CREB5: variants seen among roughly 807,000 people sequenced by gnomAD.
The protein encoded by CREB5 is cyclic AMP-responsive element-binding protein 5.
Under a neutral mutation model 57.1 loss-of-function variants are expected in CREB5, and 19 were observed. That is an observed-to-expected ratio of 0.33 (90% CI 0.23 to 0.49). The LOEUF (loss-of-function observed/expected upper bound fraction) is 0.49. Among genes scored for constraint, CREB5 ranks in the 20% least tolerant of loss-of-function variants. CREB5 has a pLI of 0.99. For synonymous variants in CREB5, 238 were observed against 238.3 expected (o/e 1.00, Z 0.01); for missense variants, 579 against 671.6 (o/e 0.86, Z 1.52).
chr7:28,611,893 T>TTG (rs1797403023), intron 5 of CREB5, among the ~76,000 whole-genome samples: 1 of 151,966 alleles, frequency 6.6e-6, no homozygotes, highest in Non-Finnish European at 1.5e-5. Context: ...TATATGTAAA[T>TTG]TATAACTTGA....
At position 28,382,323 on chromosome 7, in the gene CREB5, G is replaced by A. The variant is rs567991969; in HGVS notation, c.-25+82882G>A. 3.9e-5 allele frequency among the ~76,000 whole-genome samples: 6 copies of A among 152,196 alleles called. No homozygotes were observed. The South Asian group carries it at 8.3e-4, about 21-fold the overall frequency. On this transcript the variant is annotated intron_variant, in intron 1 of 9. Transcript: ENST00000396299. The stretch of plus-strand genomic sequence containing the variant: ...CAGAAACACCCTCACAGACACACCC[G>A]GGGCAGTCCAGTCATTCTAATTTAG...
intron 5 of CREB5, among the ~76,000 whole-genome samples, chr7:28,607,726 C>T (rs566650120): frequency 1.4e-5 from 2 of 147,752 alleles, no homozygotes; most frequent in Admixed American, 1.4e-4. Flanking sequence ...AAGACCAGTG[C>T]CCACAGGGCT....
intron 5 of CREB5, among the ~76,000 whole-genome samples, chr7:28,708,090 A>T (rs1288692964): frequency 6.6e-6 from 1 of 152,172 alleles, no homozygotes; most frequent in Non-Finnish European, 1.5e-5. Flanking sequence ...ATTTGATCAC[A>T]GCGGTGATTG....
chr7:28,678,032 C>A (rs1358333582), intron 5 of CREB5, among the ~76,000 whole-genome samples: 2 of 152,148 alleles, frequency 1.3e-5, no homozygotes, highest in Non-Finnish European at 2.9e-5. Flanking sequence ...AATTTAGAAT[C>A]TTTTTACTCC....
chr7:28,610,923 G>A (rs116046563), intron 5 of CREB5, among the ~76,000 whole-genome samples: 278 of 152,026 alleles, frequency 1.8e-3, no homozygotes, highest in African/African-American at 6.2e-3. Flanking sequence ...GAGAGAGGGA[G>A]TCGTTTATGT....
At chr7:28,670,843 A>G (rs1800007750) in intron 5 of CREB5, among the ~76,000 whole-genome samples, 1 of 152,150 alleles carries the variant, frequency 6.6e-6, no homozygotes, top group Admixed American at 6.5e-5. Flanking sequence ...CTTTAAAACA[A>G]TTTGTAAAGA....
chr7:28,816,055 G>GCACACACACA (rs34917973), intron 9 of CREB5, among the ~76,000 whole-genome samples: 4,411 of 145,284 alleles, frequency 0.03, 78 homozygotes, highest in African/African-American at 0.052. Context: ...AAATATATAC[G>GCACACACACA]CACACACACA....
chr7:28,473,424 T>C (rs1440058235), intron 1 of CREB5, among the ~76,000 whole-genome samples: 1 of 152,242 alleles, frequency 6.6e-6, no homozygotes, highest in East Asian at 1.9e-4. Context: ...GTTAGTTTCC[T>C]TGGTCACTTT....
At chr7:28,642,987 T>TACACACATACACACACAC (rs1562544746) in intron 5 of CREB5, among the ~76,000 whole-genome samples, 218 of 98,372 alleles carry the variant, frequency 2.2e-3, no homozygotes, top group Middle Eastern at 5.3e-3. Context: ...CACACACACA[T>TACACACATACACACACAC]ACACACACAC....
intron 5 of CREB5, among the ~76,000 whole-genome samples, chr7:28,643,759 G>T (rs989840091): frequency 5.2e-5 from 4 of 77,648 alleles, no homozygotes; most frequent in South Asian, 4.8e-4. Flanking sequence ...GGTGGGGGGG[G>T]GCGGAAGAAA....
intron 1 of CREB5, among the ~76,000 whole-genome samples, chr7:28,372,230 A>G (rs1786722186): frequency 6.6e-6 from 1 of 152,212 alleles, no homozygotes; most frequent in Non-Finnish European, 1.5e-5. Flanking sequence ...TAAATGGCAA[A>G]TAAATTATAG....
intron 1 of CREB5, among the ~76,000 whole-genome samples, chr7:28,374,949 G>A (rs1216344285): frequency 6.6e-6 from 1 of 152,158 alleles, no homozygotes; most frequent in African/African-American, 2.4e-5. Flanking sequence ...CTGTTAGAAA[G>A]TTCTTCCCTC....
intron 7 of CREB5, among the ~76,000 whole-genome samples, chr7:28,751,542 C>T (rs1804974292): frequency 6.6e-6 from 1 of 152,170 alleles, no homozygotes; most frequent in Non-Finnish European, 1.5e-5. Flanking sequence ...GCTTGCCTCC[C>T]TAGTTATGTG....
At chr7:28,644,606 T>A (rs1583470653) in intron 5 of CREB5, among the ~76,000 whole-genome samples, 1 of 152,100 alleles carries the variant, frequency 6.6e-6, no homozygotes, top group Admixed American at 6.5e-5. Flanking sequence ...TATGTTTCAA[T>A]TTGAAATTTT....
chr7:28,397,164 GA>G (rs963630014), intron 1 of CREB5, among the ~76,000 whole-genome samples: 11 of 151,946 alleles, frequency 7.2e-5, no homozygotes, highest in Admixed American at 4.6e-4. Context: ...CACATGGATT[GA>G]AAAAAAAGAA....
At chr7:28,683,402 G>A (rs1800699325) in intron 5 of CREB5, among the ~76,000 whole-genome samples, 1 of 152,186 alleles carries the variant, frequency 6.6e-6, no homozygotes, top group Non-Finnish European at 1.5e-5. Flanking sequence ...AAGTGCAAAT[G>A]TAAATATGCA....
chr7:28,669,095 G>C (rs545660968), intron 5 of CREB5, among the ~76,000 whole-genome samples: 3 of 152,284 alleles, frequency 2.0e-5, no homozygotes, highest in South Asian at 2.1e-4. Flanking sequence ...CATTTGATAT[G>C]GGTCTCATAG....
chr7:28,303,655 AT>A (rs1785138979), intron 1 of CREB5, among the ~76,000 whole-genome samples: 2 of 152,334 alleles, frequency 1.3e-5, no homozygotes, highest in South Asian at 4.1e-4. Context: ...AGGCAGTAAA[AT>A]AATAGGATTG....
At chr7:28,366,192 T>C (rs1160196705) in intron 1 of CREB5, among the ~76,000 whole-genome samples, 1 of 152,216 alleles carries the variant, frequency 6.6e-6, no homozygotes, top group Admixed American at 6.5e-5. Flanking sequence ...CAACTGATTA[T>C]ATAAATTGAA....
Sources: gnomAD v4.1 joint callset for allele counts (sites outside exome capture counted in the v4.1 genomes callset) on GRCh38, gnomAD v4.1.1 for gene constraint, MANE v1.5 for transcripts, NCBI Gene and HGNC (gene_info 2026-07-23, HGNC 2026-07-21) for gene names.